SNTG1: variants seen among roughly 807,000 people sequenced by gnomAD.
SNTG1 encodes the protein gamma-1-syntrophin.
SNTG1 carries 39 observed loss-of-function variants against 74.7 expected under a neutral mutation model. That is an observed-to-expected ratio of 0.52 (90% CI 0.40 to 0.68). The LOEUF is 0.68. Ranked by LOEUF, SNTG1 falls within the 30% of genes least tolerant of loss-of-function variation. The probability of loss-of-function intolerance (pLI) is 0.00; values close to 1 mark genes in which losing one functional copy is unlikely to be tolerated. For missense variants in SNTG1, 685 were observed against 609.5 expected, an observed-to-expected ratio of 1.12 and a Z score of -1.30; for synonymous variants, 254 against 217.1, an observed-to-expected ratio of 1.17 and a Z score of -1.49.
chr8:50,521,607 A>T (rs1335144611), intron 9 of SNTG1, among the ~76,000 whole-genome samples: 5 of 152,126 alleles, frequency 3.3e-5, no homozygotes, highest in Admixed American at 2.6e-4. Context: ...TCTTCCTTTC[A>T]TGAAAGATTT....
At chr8:50,480,397 T>C (rs1215180992) in intron 8 of SNTG1, among the ~76,000 whole-genome samples, 3 of 152,188 alleles carry the variant, frequency 2.0e-5, no homozygotes, top group Non-Finnish European at 2.9e-5. Flanking sequence ...CTCAAAAGTA[T>C]ACAAGGAGAA....
intron 1 of SNTG1, among the ~76,000 whole-genome samples, chr8:50,005,955 C>CTTTTTTTT (rs57041850): frequency 2.2e-5 from 2 of 89,376 alleles, no homozygotes; most frequent in African/African-American, 7.3e-5. Flanking sequence ...ATTACTTGCA[C>CTTTTTTTT]TTTTTTTTTT....
At chr8:50,683,226 T>C (rs967043024) in intron 15 of SNTG1, among the ~76,000 whole-genome samples, 2 of 152,160 alleles carry the variant, frequency 1.3e-5, no homozygotes, top group African/African-American at 4.8e-5. Flanking sequence ...ATAAAACACT[T>C]TCTGAAATAG....
In SNTG1 at chr8:50,403,299, T is replaced by C. The variant is rs78881935; in HGVS notation, c.162+955T>C. ...CACATCACTTCTTACTAACACCCTATGGGAGTCACACAAGGCCCTAAATCA... is the reference window on the plus strand; with the variant it reads ...CACATCACTTCTTACTAACACCCTACGGGAGTCACACAAGGCCCTAAATCA... On this transcript the variant is annotated intron_variant, in intron 4 of 18. Coordinates refer to ENST00000642720, the MANE Select transcript of SNTG1 (RefSeq NM_018967.5). 5.0e-3 allele frequency among the ~76,000 whole-genome samples: 761 copies of C among 152,350 alleles called. 8 individuals are homozygous for C. Among genetic ancestry groups the C allele is most frequent in the African/African-American group, 0.017 (726 of 41,584 alleles).
At chr8:49,923,007 C>T (rs1806692000) in intron 1 of SNTG1, among the ~76,000 whole-genome samples, 1 of 152,066 alleles carries the variant, frequency 6.6e-6, no homozygotes, top group African/African-American at 2.4e-5. Flanking sequence ...GATATTCCAC[C>T]TGAAATATCT....
At chr8:50,067,882 A>G (rs1426814775) in intron 1 of SNTG1, among the ~76,000 whole-genome samples, 3 of 152,174 alleles carry the variant, frequency 2.0e-5, no homozygotes, top group African/African-American at 7.2e-5. Context: ...CAGGGTCTCC[A>G]TCAACCGTTG....
At chr8:50,323,538 C>G (rs2090613868) in intron 2 of SNTG1, among the ~76,000 whole-genome samples, 1 of 152,160 alleles carries the variant, frequency 6.6e-6, no homozygotes, top group African/African-American at 2.4e-5. Flanking sequence ...ATTTTACAGA[C>G]TCATAGAGGT....
At chr8:50,208,899 G>A (rs1054388686) in intron 2 of SNTG1, among the ~76,000 whole-genome samples, 9 of 152,112 alleles carry the variant, frequency 5.9e-5, no homozygotes, top group South Asian at 2.1e-4. Flanking sequence ...GGGGCTTGTC[G>A]GACAGTGGGT....
intron 2 of SNTG1, among the ~76,000 whole-genome samples, chr8:50,378,945 GT>G (rs1411345122): frequency 6.6e-6 from 1 of 152,062 alleles, no homozygotes; most frequent in African/African-American, 2.4e-5. Flanking sequence ...CTGACAGCCT[GT>G]CCCCCAGCCT....
At chr8:50,365,696 T>C (rs2092088838) in intron 2 of SNTG1, among the ~76,000 whole-genome samples, 1 of 152,162 alleles carries the variant, frequency 6.6e-6, no homozygotes, top group Non-Finnish European at 1.5e-5. Flanking sequence ...TAAAATTTAT[T>C]GTGTTCTTAT....
rs1426988291 is a variant in SNTG1 at position 50,794,100 on chromosome 8, A to T, written c.*1271A>T. On this transcript the variant is annotated 3_prime_UTR_variant, in exon 19 of 19. Coordinates refer to ENST00000642720, the MANE Select transcript of SNTG1 (RefSeq NM_018967.5). Reference sequence around the variant, plus strand: ...CAGTACAGCTTTTTTGAGATATTTTAAAAAGTCAGCTGTGTATGTAAAAAA... The same window carrying T: ...CAGTACAGCTTTTTTGAGATATTTTTAAAAGTCAGCTGTGTATGTAAAAAA... The T allele has an allele frequency of 6.6e-6, 1 of 151,730 alleles. No homozygotes were observed. The highest frequency in any genetic ancestry group is 2.4e-5 in the African/African-American group (1 of 41,354). The allele number at this position is 151,730 out of a possible 1,614,324, so 9.4% of individuals were successfully genotyped here. A position where few individuals can be genotyped will look rare whatever the true frequency, so the allele number is the denominator to read the frequency against.
intron 1 of SNTG1, among the ~76,000 whole-genome samples, chr8:49,984,558 TA>T (rs1283326697): frequency 6.6e-6 from 1 of 152,204 alleles, no homozygotes; most frequent in Non-Finnish European, 1.5e-5. Flanking sequence ...ACTTGAGATA[TA>T]AAATTTTCCT....
At chr8:50,033,651 A>AT (rs929156060) in intron 1 of SNTG1, among the ~76,000 whole-genome samples, 4 of 151,216 alleles carry the variant, frequency 2.6e-5, no homozygotes, top group South Asian at 2.1e-4. Flanking sequence ...TTCTCATGTG[A>AT]TTTTTTTTCT....
chr8:50,781,428 T>C (rs888393205), intron 18 of SNTG1, among the ~76,000 whole-genome samples: 3 of 152,232 alleles, frequency 2.0e-5, no homozygotes, highest in African/African-American at 7.2e-5. Flanking sequence ...TTAGCTCTTC[T>C]TGTTGAATTG....
intron 17 of SNTG1, among the ~76,000 whole-genome samples, chr8:50,739,188 A>G (rs2095536726): frequency 2.0e-5 from 3 of 152,158 alleles, no homozygotes; most frequent in Admixed American, 6.6e-5. Context: ...AATATCCAGA[A>G]TCTACAAGGA....
chr8:50,339,545 C>G (rs907814863), intron 2 of SNTG1, among the ~76,000 whole-genome samples: 2 of 151,790 alleles, frequency 1.3e-5, no homozygotes, highest in African/African-American at 4.8e-5. Flanking sequence ...AAACCACATG[C>G]ATTATCCATG....
At chr8:50,651,040 T>C (rs1463681914) in intron 13 of SNTG1, among the ~76,000 whole-genome samples, 1 of 152,194 alleles carries the variant, frequency 6.6e-6, no homozygotes, top group Non-Finnish European at 1.5e-5. Flanking sequence ...AAATATCATT[T>C]ATAAGATTTT....
At chr8:50,190,188 G>A (rs2083517937) in intron 2 of SNTG1, among the ~76,000 whole-genome samples, 1 of 152,090 alleles carries the variant, frequency 6.6e-6, no homozygotes, top group Non-Finnish European at 1.5e-5. Flanking sequence ...TACTGTAACT[G>A]AGTCTTCTCA....
In SNTG1 at chr8:50,122,012, G is replaced by A. The variant is rs1313164472; in HGVS notation, c.-102-50549G>A. Among the ~76,000 whole-genome samples the A allele has an allele frequency of 1.4e-5, 2 of 141,530 alleles. 1 individual carries two copies. The highest frequency in any genetic ancestry group is 3.1e-5 in the Non-Finnish European group (2 of 63,718). 92.8% of individuals were successfully genotyped at this position (141,530 alleles called of 152,430 possible). On this transcript the variant is annotated intron_variant, in intron 1 of 18. Coordinates refer to ENST00000642720, the MANE Select transcript of SNTG1 (RefSeq NM_018967.5). ...ACTGGGAAAAAACCCAAGTGAAATT[G>A]TTTTTAGGCTGGCTTGCCTGTGCTG...
Sources: allele counts gnomAD v4.1 joint callset (sites outside exome capture counted in the v4.1 genomes callset), GRCh38; gene constraint gnomAD v4.1.1; transcripts MANE v1.5; gene names NCBI Gene and HGNC (gene_info 2026-07-23, HGNC 2026-07-21).